OR2C1: variants seen among roughly 807,000 people sequenced by gnomAD.
The protein encoded by OR2C1 is olfactory receptor family 2 subfamily C member 1.
For synonymous variants in OR2C1, 209 were observed against 167.3 expected (o/e 1.25, Z -1.92); for missense variants, 468 against 388.3 (o/e 1.21, Z -1.73).
upstream of OR2C1, among the ~76,000 whole-genome samples, chr16:3,352,761 G>A (rs1464136385): frequency 6.8e-5 from 10 of 146,158 alleles, no homozygotes; most frequent in South Asian, 2.2e-3. Context: ...TTTTTTCTGA[G>A]GTAGAGTTTC....
At chr16:3,342,111 C>G in the OR2C1 span, among the ~76,000 whole-genome samples, 1 of 152,000 alleles carries the variant, frequency 6.6e-6, no homozygotes, top group Admixed American at 6.6e-5. Context: ...TTTAGCTAGG[C>G]GTGGTGGCAC....
At chr16:3,326,080 G>A in the OR2C1 span, among the ~76,000 whole-genome samples, 1 of 151,788 alleles carries the variant, frequency 6.6e-6, no homozygotes, top group African/African-American at 2.4e-5. Flanking sequence ...ACAGATGTGC[G>A]CCACCAAGCC....
chr16:3,355,695 T>G (rs2030654789), upstream of OR2C1, among the ~76,000 whole-genome samples: 1 of 151,834 alleles, frequency 6.6e-6, no homozygotes, highest in African/African-American at 2.4e-5. Context: ...GACAAGAGGA[T>G]TGCTTGAGCC....
At chr16:3,324,589 G>T in the OR2C1 span, among the ~76,000 whole-genome samples, 1 of 152,146 alleles carries the variant, frequency 6.6e-6, no homozygotes, top group Admixed American at 6.5e-5. Context: ...ACTGCTCAGT[G>T]TTGTAATGGA....
the OR2C1 span, among the ~76,000 whole-genome samples, chr16:3,331,771 G>A: frequency 6.6e-6 from 1 of 150,868 alleles, no homozygotes; most frequent in Non-Finnish European, 1.5e-5. Flanking sequence ...AAAGGCACAT[G>A]CACACGTATG....
At chr16:3,345,830 TC>T in the OR2C1 span, among the ~76,000 whole-genome samples, 1 of 113,776 alleles carries the variant, frequency 8.8e-6, no homozygotes, top group African/African-American at 3.5e-5. Flanking sequence ...CTTCCTTCCT[TC>T]CCTCCTTCCT....
chr16:3,324,011 T>C, the OR2C1 span: 1 of 460,490 alleles, frequency 2.2e-6, no homozygotes, highest in Non-Finnish European at 3.8e-6. Flanking sequence ...ACACTAAGCA[T>C]TTGCCCATGA....
At chr16:3,332,853 C>G in the OR2C1 span, among the ~76,000 whole-genome samples, 1 of 152,000 alleles carries the variant, frequency 6.6e-6, no homozygotes, top group African/African-American at 2.4e-5. Context: ...ACTCAGATAT[C>G]TCTTCAATAT....
At position 3,356,513 on chromosome 16, in the gene OR2C1, C is replaced by A. The variant is rs1199046570; in HGVS notation, c.573C>A (p.Asp191Glu). 1 of 1,614,170 alleles carries A rather than the reference C, an allele frequency of 6.2e-7. No homozygotes were observed. Residue 191 changes from aspartate to glutamate, a missense_variant, in exon 1 of 1, where the codon GAC (aspartate) becomes GAA (glutamate). Physicochemically the swap from Asp to Glu is conservative, Grantham distance 45. Transcript: ENST00000304936. ...CCATGATCAAACTGGCCTGTGGCGA[C>A]ACAAGTCTCAACCAGGCTGTGCTCA... ...VPAMIKLACG[D>E]TSLNQAVLNG...
the OR2C1 span, among the ~76,000 whole-genome samples, chr16:3,329,748 C>CTTTTTTT: frequency 9.4e-4 from 59 of 62,632 alleles, 2 homozygotes; most frequent in African/African-American, 1.5e-3. Flanking sequence ...GGCGCCCGGC[C>CTTTTTTT]TTTTTTTTTT....
the OR2C1 span, among the ~76,000 whole-genome samples, chr16:3,349,511 G>T: frequency 2.0e-5 from 3 of 152,156 alleles, no homozygotes; most frequent in South Asian, 2.1e-4. Flanking sequence ...CTCCCTCTCG[G>T]TCCCATGCCT....
chr16:3,331,364 T>C, the OR2C1 span, among the ~76,000 whole-genome samples: 1 of 151,550 alleles, frequency 6.6e-6, no homozygotes, highest in South Asian at 2.1e-4. Context: ...GGTAGTTTCT[T>C]TTGCTGTGCA....
At chr16:3,331,949 C>T in the OR2C1 span, among the ~76,000 whole-genome samples, 1 of 151,738 alleles carries the variant, frequency 6.6e-6, no homozygotes, top group African/African-American at 2.4e-5. Flanking sequence ...AATTGGAAAT[C>T]ATCATTCTCA....
chr16:3,341,297 A>T, the OR2C1 span, among the ~76,000 whole-genome samples: 6 of 152,044 alleles, frequency 3.9e-5, no homozygotes, highest in Non-Finnish European at 8.8e-5. Context: ...TGTTGCTCTT[A>T]TATCCTGCAA....
the OR2C1 span, among the ~76,000 whole-genome samples, chr16:3,347,510 G>A: frequency 1.3e-5 from 2 of 150,816 alleles, no homozygotes; most frequent in Non-Finnish European, 3.0e-5. Flanking sequence ...TGCCCAGGCT[G>A]GAGTGCAGTG....
At chr16:3,337,360 G>C in the OR2C1 span, among the ~76,000 whole-genome samples, 28 of 147,602 alleles carry the variant, frequency 1.9e-4, no homozygotes, top group African/African-American at 7.0e-4. Flanking sequence ...ATAGAGACGG[G>C]GTTTCACCAT....
the OR2C1 span, among the ~76,000 whole-genome samples, chr16:3,343,245 C>T: frequency 6.6e-6 from 1 of 152,008 alleles, no homozygotes; most frequent in South Asian, 2.1e-4. Context: ...AGCACAAGTA[C>T]AACAAAGGAA....
the OR2C1 span, among the ~76,000 whole-genome samples, chr16:3,335,321 G>A: frequency 1.3e-5 from 2 of 152,044 alleles, no homozygotes; most frequent in Admixed American, 6.6e-5. Flanking sequence ...TATGGAATAT[G>A]TTTCCATTTT....
the OR2C1 span, among the ~76,000 whole-genome samples, chr16:3,336,959 T>C: frequency 6.7e-6 from 1 of 150,260 alleles, no homozygotes. Flanking sequence ...CCGCCCATCT[T>C]GGCCTCCCAA....
Sources: gnomAD v4.1 joint callset for allele counts (sites outside exome capture counted in the v4.1 genomes callset) on GRCh38, gnomAD v4.1.1 for gene constraint, MANE v1.5 for transcripts, NCBI Gene and HGNC (gene_info 2026-07-23, HGNC 2026-07-21) for gene names.